GLI2: variants seen among roughly 807,000 people sequenced by gnomAD.
GLI2 encodes transcription activator GLI2.
A neutral mutation model predicts 78.9 loss-of-function variants in GLI2; 22 were observed. That is an observed-to-expected ratio of 0.28 (90% confidence interval 0.20 to 0.40). The LOEUF (loss-of-function observed/expected upper bound fraction) is 0.40, where lower values mean the gene tolerates loss of function less well. Ranked by LOEUF, GLI2 falls within the 10% of genes least tolerant of loss-of-function variation. The pLI, the probability that GLI2 is intolerant of heterozygous loss-of-function variation, is 1.00. For synonymous variants in GLI2, 974 were observed against 963.7 expected (o/e 1.01, Z -0.20); for missense variants, 2,097 against 2,213.2 (o/e 0.95, Z 1.05).
At chr2:120,757,273 A>T (rs1021754585) in intron 1 of GLI2, among the ~76,000 whole-genome samples, 46 of 146,480 alleles carry the variant, frequency 3.1e-4, no homozygotes, top group Non-Finnish European at 4.3e-4. Flanking sequence ...ATGCTAGAAT[A>T]TTGTAAGTTT....
Position 120,992,053 on chromosome 2 carries a change from C to CG in GLI2, c.*1378_*1379insG, listed in dbSNP as rs1573748274. ...ACACACACACACACACACACACACC[C>CG]CAAACCTTTTCATGGGGAATGTGTG... On this transcript the variant is annotated 3_prime_UTR_variant, in exon 14 of 14. Coordinates refer to ENST00000361492, the MANE Select transcript of GLI2 (RefSeq NM_001374353.1). 1 of 152,634 alleles carries CG rather than the reference C, an allele frequency of 6.6e-6. No individual in the cohort carries two copies. The highest frequency in any genetic ancestry group is 1.9e-4 in the East Asian group (1 of 5,230). The allele number at this position is 152,634 out of a possible 1,614,324, so 9.5% of individuals were successfully genotyped here.
At chr2:120,773,746 C>T (rs1450595297) in intron 1 of GLI2, among the ~76,000 whole-genome samples, 1 of 152,080 alleles carries the variant, frequency 6.6e-6, no homozygotes, top group Non-Finnish European at 1.5e-5. Context: ...GGCCTTGGGG[C>T]TCAAAGTGGG....
Position 120,989,734 on chromosome 2 carries a change from C to T in GLI2, c.3769C>T (p.Pro1257Ser), listed in dbSNP as rs768154558. The change falls in exon 14 of 14, where the codon CCA becomes TCA. Residue 1257 changes from proline to serine, a missense_variant. Coordinates refer to ENST00000361492, the MANE Select transcript of GLI2 (RefSeq NM_001374353.1). ...GTTCCCCCAATCCTGCAGCAACATG[C>T]CAGCCAAGCCAGGGCATCTGGGGCA... The part of the protein sequence containing the change: ...NQFPQSCSNM[P>S]AKPGHLGHPQ... The T allele has an allele frequency of 5.0e-6, 8 of 1,612,768 alleles. No individual in the cohort carries two copies. In the South Asian group the frequency reaches 6.6e-5, roughly 13 times the overall value.
chr2:120,807,896 C>G (rs1253123967), intron 2 of GLI2, among the ~76,000 whole-genome samples: 4 of 151,834 alleles, frequency 2.6e-5, no homozygotes, highest in East Asian at 1.9e-4. Context: ...CTGGCTTCTT[C>G]TCCTTCTGGG....
intron 2 of GLI2, among the ~76,000 whole-genome samples, chr2:120,812,283 C>T (rs79592989): frequency 0.012 from 1,852 of 152,312 alleles, 39 homozygotes; most frequent in African/African-American, 0.043. Flanking sequence ...TGTCGCGGCC[C>T]GGTCCCCTCA....
At chr2:120,964,608 C>G (rs1387850486) in intron 5 of GLI2, among the ~76,000 whole-genome samples, 1 of 152,164 alleles carries the variant, frequency 6.6e-6, no homozygotes, top group Non-Finnish European at 1.5e-5. Flanking sequence ...CCGGGTCTCC[C>G]GCTTTGCCAC....
intron 2 of GLI2, among the ~76,000 whole-genome samples, chr2:120,891,702 CCAG>C (rs1235020199): frequency 6.6e-6 from 1 of 152,252 alleles, no homozygotes; most frequent in African/African-American, 2.4e-5. Flanking sequence ...GCTCCTGGCT[CCAG>C]TAGAGTGGAG....
intron 2 of GLI2, among the ~76,000 whole-genome samples, chr2:120,811,639 G>A (rs1162295970): frequency 6.6e-6 from 1 of 152,154 alleles, no homozygotes; most frequent in Non-Finnish European, 1.5e-5. Flanking sequence ...GGAAAGGGAG[G>A]TTGGAATCAC....
intron 7 of GLI2, 147 bp downstream of exon 7, chr2:120,970,753 A>G: frequency 1.4e-6 from 1 of 691,762 alleles, no homozygotes; most frequent in Non-Finnish European, 2.5e-6. Flanking sequence ...AGGCCACGTT[A>G]CAGAAAGGGT....
Position 120,797,311 on chromosome 2 carries a change from A to T in GLI2, c.-10A>T. The T allele has an allele frequency of 1.9e-6, 3 of 1,613,804 alleles. No individual in the cohort carries two copies. Among genetic ancestry groups the T allele is most frequent in the African/African-American group, 2.7e-5 (2 of 74,980 alleles). On this transcript the variant is annotated 5_prime_UTR_variant, in exon 2 of 14. Transcript: ENST00000361492. ...TTTAGGATTGCCACCCAGGACGATG[A>T]GCGGCTGAGATGGAGACGTCTGCCT...
At chr2:120,742,547 A>AGT (rs1483632797) in intron 1 of GLI2, among the ~76,000 whole-genome samples, 8 of 152,236 alleles carry the variant, frequency 5.3e-5, no homozygotes, top group South Asian at 2.1e-4. Flanking sequence ...TAATAACTGG[A>AGT]GTGTGTGTGT....
intron 2 of GLI2, among the ~76,000 whole-genome samples, chr2:120,883,215 G>T (rs1677238088): frequency 6.6e-6 from 1 of 152,176 alleles, no homozygotes; most frequent in Admixed American, 6.5e-5. Flanking sequence ...GGCCGGGCTG[G>T]TGGCTCACAC....
chr2:120,849,198 A>G (rs1160812258), intron 2 of GLI2, among the ~76,000 whole-genome samples: 1 of 152,176 alleles, frequency 6.6e-6, no homozygotes, highest in African/African-American at 2.4e-5. Context: ...ATGAGGAGTT[A>G]ATGTTTAATG....
At chr2:120,742,097 C>T (rs957244506) in intron 1 of GLI2, among the ~76,000 whole-genome samples, 2 of 152,190 alleles carry the variant, frequency 1.3e-5, no homozygotes, top group Non-Finnish European at 2.9e-5. Context: ...CCACGGGAGC[C>T]GGGAAGAGAG....
At chr2:120,794,031 C>T (rs7604538) in intron 1 of GLI2, among the ~76,000 whole-genome samples, 63,773 of 152,136 alleles carry the variant, frequency 0.42, 15,526 homozygotes, top group African/African-American at 0.68. Flanking sequence ...CCGTTCTTCA[C>T]GGATGGAGCC....
intron 2 of GLI2, among the ~76,000 whole-genome samples, chr2:120,874,447 G>A (rs754461723): frequency 6.6e-6 from 1 of 152,192 alleles, no homozygotes; most frequent in South Asian, 2.1e-4. Flanking sequence ...CCCATCAGCC[G>A]CAGCCCCCGT....
intron 2 of GLI2, among the ~76,000 whole-genome samples, chr2:120,808,409 C>A (rs1385343791): frequency 6.6e-6 from 1 of 152,182 alleles, no homozygotes; most frequent in Non-Finnish European, 1.5e-5. Context: ...CCTGTGACCT[C>A]TCCCCAGTGG....
intron 1 of GLI2, among the ~76,000 whole-genome samples, chr2:120,743,643 TATAAAG>T (rs1682616125): frequency 6.6e-6 from 1 of 152,124 alleles, no homozygotes; most frequent in African/African-American, 2.4e-5. Flanking sequence ...ATGGCTGCAA[TATAAAG>T]ATAATTAGCC....
At position 120,988,782 on chromosome 2, in the gene GLI2, C is replaced by T; in HGVS notation, c.2817C>T (p.Ala939=). 1 of 1,339,294 alleles carries T rather than the reference C, an allele frequency of 7.5e-7. No individual in the cohort carries two copies. Among genetic ancestry groups the T allele is most frequent in the Non-Finnish European group, 9.6e-7 (1 of 1,045,410 alleles). The allele number at this position is 1,339,294 out of a possible 1,614,324, so 83.0% of individuals were successfully genotyped here. Residue 939 remains alanine, a synonymous_variant, in exon 14 of 14, where the codon GCC becomes GCT. Coordinates refer to ENST00000361492, the MANE Select transcript of GLI2 (RefSeq NM_001374353.1). ...ACGGCCACGCGGGGGCTGCGCCCGC[C>T]TTCCCCCACGAGGCTCCAGGCGGCG... ...YGHGHAGAAP[A]FPHEAPGGGA... is the part of the protein sequence containing the mutation.
Sources: allele counts gnomAD v4.1 joint callset (sites outside exome capture counted in the v4.1 genomes callset), GRCh38; gene constraint gnomAD v4.1.1; transcripts MANE v1.5; gene names NCBI Gene and HGNC (gene_info 2026-07-23, HGNC 2026-07-21).